Variants in PPP1R18 observed in about 807,000 individuals in gnomAD.
The protein encoded by PPP1R18 is phostensin.
A neutral mutation model predicts 54.8 loss-of-function variants in PPP1R18; 31 were observed. The ratio of observed to expected loss-of-function variants is 0.57; its 90% CI spans 0.43 to 0.76. The LOEUF is 0.76. PPP1R18 is among the 30% of genes least tolerant of loss of function. The probability of loss-of-function intolerance (pLI) is 0.00; values close to 1 mark genes in which losing one functional copy is unlikely to be tolerated. For missense variants in PPP1R18, 685 were observed against 776.1 expected (o/e 0.88, Z 1.39); for synonymous variants, 310 against 320.2 (o/e 0.97, Z 0.34).
chr6:30,676,946 A>G lies in PPP1R18; in HGVS notation c.*323T>C, dbSNP rs1337065309. On this transcript the variant is annotated 3_prime_UTR_variant, in exon 3 of 3. Transcript: ENST00000274853. ...TGGTGGGGAGGAAGGCTGTGGGGAG[A>G]GTGTACCCTGCCATGGGGGGCAGGT... is the stretch of plus-strand genomic sequence containing the variant. 4 of 505,682 alleles carry G rather than the reference A, an allele frequency of 7.9e-6. No individual in the cohort carries two copies. Among genetic ancestry groups the G allele is most frequent in the Non-Finnish European group, 1.4e-5 (4 of 285,348 alleles). The allele number at this position is 505,682 out of a possible 1,614,324, so 31.3% of individuals were successfully genotyped here.
chr6:30,684,879 C>A lies in PPP1R18; in HGVS notation c.1140G>T (p.Lys380Asn), dbSNP rs1480837269. ...GVEAGEGEAE[K>N]EEAGAQGRPL... is the part of the protein sequence containing the mutation. ...GCCTGCCCTGAGCCCCCGCCTCCTC[C>A]TTCTCAGCCTCCCCTTCTCCAGCCT... Residue 380 changes from lysine (K) to asparagine (N), a missense_variant, in exon 1 of 3, where the codon AAG (lysine) becomes AAT (asparagine). Transcript: ENST00000274853. This position sits in a 1 kb window ranked among gnomAD's most constrained non-coding sequence, Gnocchi z 6.0. 5 of 1,612,852 alleles carry A rather than the reference C, an allele frequency of 3.1e-6. No homozygotes were observed. The highest frequency in any genetic ancestry group is 4.2e-6 in the Non-Finnish European group (5 of 1,180,040).
Position 30,684,425 on chromosome 6 carries a change from C to T in PPP1R18, c.1594G>A (p.Glu532Lys), listed in dbSNP as rs555488215. The change falls in exon 1 of 3, where the codon GAA (glutamate) becomes AAA (lysine). Residue 532 changes from glutamate to lysine, a missense_variant. Glu to Lys is a moderately conservative substitution (Grantham distance 56, BLOSUM62 1). Coordinates refer to ENST00000274853, the MANE Select transcript of PPP1R18 (RefSeq NM_133471.4). This position sits in a 1 kb window ranked among gnomAD's most constrained non-coding sequence, Gnocchi z 6.0. ...SRSCLAKGSP[E>K]RHHKQLKISF... ...TTCCCTACCTGTTTGTGGTGTCTTT[C>T]GGGGGACCCCTTGGCAAGGCAGCTG... The T allele has an allele frequency of 2.1e-5, 33 of 1,574,878 alleles. No individual in the cohort carries two copies. The highest frequency in any genetic ancestry group is 2.0e-4 in the Admixed American group (11 of 55,976).
Position 30,683,086 on chromosome 6 carries a change from T to C in PPP1R18, c.1611+1322A>G, listed in dbSNP as rs761216421. ...AGCTTACGCTTCATGTGAAGATGAA[T>C]TGGGGGATCAAATGAACCCCCCTCC... On this transcript the variant is annotated intron_variant, in intron 1 of 2. Coordinates refer to ENST00000274853, the MANE Select transcript of PPP1R18 (RefSeq NM_133471.4). This position sits in a 1 kb window ranked among gnomAD's most constrained non-coding sequence, Gnocchi z 5.1. Among the ~76,000 whole-genome samples, 3 of 152,280 alleles carry C rather than the reference T, an allele frequency of 2.0e-5. No individual in the cohort carries two copies. The highest frequency in any genetic ancestry group is 4.1e-4 in the South Asian group (2 of 4,828).
rs1770670630 is a variant in PPP1R18, at chr6:30,683,418, C to T, written c.1611+990G>A. Among the ~76,000 whole-genome samples, 2 of 152,186 alleles carry T rather than the reference C, an allele frequency of 1.3e-5. No homozygotes were observed. Among genetic ancestry groups the T allele is most frequent in the African/African-American group, 4.8e-5 (2 of 41,434 alleles). On this transcript the variant is annotated intron_variant, in intron 1 of 2. Coordinates refer to ENST00000274853, the MANE Select transcript of PPP1R18 (RefSeq NM_133471.4). The surrounding 1 kb of genome is among the most constrained non-coding windows in gnomAD (Gnocchi z 5.1). ...TGCAGGTCTTTGTTGCAAGTCTAAC[C>T]TCTGACCCTCTGCTGGCCTCAGCCC...
Position 30,685,894 on chromosome 6 carries a change from C to G in PPP1R18, c.125G>C (p.Gly42Ala). The part of the protein sequence containing the change: ...RLSQMPAWKR[G>A]LLERRRAKLG... ...CTTGGCCCGGCGGCGCTCCAGGAGCCCTCGTTTCCAGGCTGGCATCTGGGA... is the reference window on the plus strand; with the variant it reads ...CTTGGCCCGGCGGCGCTCCAGGAGCGCTCGTTTCCAGGCTGGCATCTGGGA... The change falls in exon 1 of 3, where the codon GGG becomes GCG. Residue 42 changes from glycine to alanine, a missense_variant. Transcript: ENST00000274853. This position sits in a 1 kb window ranked among gnomAD's most constrained non-coding sequence, Gnocchi z 5.0. 1 of 1,610,806 alleles carries G rather than the reference C, an allele frequency of 6.2e-7. No individual in the cohort carries two copies. Among genetic ancestry groups the G allele is most frequent in the South Asian group, 1.1e-5 (1 of 91,086 alleles).
Position 30,677,126 on chromosome 6 carries a change from CAG to C in PPP1R18, c.*141_*142del, listed in dbSNP as rs759017554. On this transcript the variant is annotated 3_prime_UTR_variant, in exon 3 of 3. Coordinates refer to ENST00000274853, the MANE Select transcript of PPP1R18 (RefSeq NM_133471.4). ...GGGCAATTGGCTCTGCCCCCAGAAA[CAG>C]GGTGGGGAAAGCAAGTTACAAGATG... The C allele has an allele frequency of 2.0e-5, 16 of 820,078 alleles. No homozygotes were observed. In the Admixed American group the frequency reaches 2.6e-4, roughly 13 times the overall value. 50.8% of individuals were successfully genotyped at this position (820,078 alleles called of 1,614,324 possible).
Position 30,679,322 on chromosome 6 carries a change from A to G in PPP1R18, c.1679T>C (p.Leu560Pro). The change falls in exon 2 of 3, where the codon CTG becomes CCG. Residue 560 changes from leucine (L) to proline (P), a missense_variant. By Grantham distance (98) the Leu-to-Pro change is moderately conservative. Transcript: ENST00000274853. ...CTCAGGCTCCGGGCCCAGCTCCTCC[A>G]GTACCGAACTCTCGGAGGGGTATTG... Reference protein sequence around the residue: ...TYQYPSESSVLEELGPEPEVP... With the variant: ...TYQYPSESSVPEELGPEPEVP... The G allele has an allele frequency of 6.4e-7, 1 of 1,553,000 alleles. No homozygotes were observed. Among genetic ancestry groups the G allele is most frequent in the South Asian group, 1.2e-5 (1 of 83,794 alleles).
Position 30,686,411 on chromosome 6 carries a change from A to C in PPP1R18, c.-393T>G. On this transcript the variant is annotated 5_prime_UTR_variant, in exon 1 of 3. The change creates a new upstream start codon in the 5' untranslated region. Transcript: ENST00000274853. Reference sequence around the variant, plus strand: ...AAGTTGGCGTGAGGGAGAAGAGAGAAATGTGGCAGGGGTGAGGGGAACCTG... The same window carrying C: ...AAGTTGGCGTGAGGGAGAAGAGAGACATGTGGCAGGGGTGAGGGGAACCTG... 9 of 208,848 alleles carry C rather than the reference A, an allele frequency of 4.3e-5. No individual in the cohort carries two copies. The highest frequency in any genetic ancestry group is 1.0e-4 in the East Asian group (1 of 9,674). 12.9% of individuals were successfully genotyped at this position (208,848 alleles called of 1,614,324 possible).
rs201585353 is a variant in PPP1R18 at position 30,684,517 on chromosome 6, G to A, written c.1502C>T (p.Ala501Val). The A allele has an allele frequency of 6.2e-7, 1 of 1,612,664 alleles. No homozygotes were observed. The highest frequency in any genetic ancestry group is 8.5e-7 in the Non-Finnish European group (1 of 1,179,824). ...PATVDAAVPGAGKKRYPTAEE... is the reference protein window; with the variant it reads ...PATVDAAVPGVGKKRYPTAEE... ...GGCAGTTGGGTACCGCTTCTTCCCA[G>A]CCCCCGGGACTGCAGCATCAACTGT... is the stretch of plus-strand genomic sequence containing the variant. Residue 501 changes from alanine (A) to valine (V), a missense_variant, in exon 1 of 3, where the codon GCT becomes GTT. Transcript: ENST00000274853. This position sits in a 1 kb window ranked among gnomAD's most constrained non-coding sequence, Gnocchi z 6.0.
chr6:30,681,941 G>A (rs1050929613), intron 1 of PPP1R18, among the ~76,000 whole-genome samples: 9 of 152,078 alleles, frequency 5.9e-5, no homozygotes, highest in Admixed American at 5.2e-4. Context: ...GGAACTGCTG[G>A]TAGAATCTAG....
chr6:30,681,231 C>G (rs1770534124), intron 1 of PPP1R18, among the ~76,000 whole-genome samples: 1 of 151,972 alleles, frequency 6.6e-6, no homozygotes. Context: ...TTGGTTCCCT[C>G]CACGCACTCC....
chr6:30,684,741 TG>T lies in PPP1R18; in HGVS notation c.1277del (p.Pro426HisfsTer24). On this transcript the variant is annotated frameshift_variant, in exon 1 of 3. Coordinates refer to ENST00000274853, the MANE Select transcript of PPP1R18 (RefSeq NM_133471.4). LOFTEE classifies it high-confidence loss of function. The surrounding 1 kb of genome is among the most constrained non-coding windows in gnomAD (Gnocchi z 6.0). ...QEEEAVELQP[P>X]PPAPLSPPPP... is the part of the protein sequence containing the mutation. ...GTGGGGGAGACAGAGGGGCTGGTGG[TG>T]GGGGCTGGAGCTCCACTGCTTCCTC... 6.4e-7 allele frequency: 1 copy of T among 1,554,394 alleles called. No homozygotes were observed.
chr6:30,685,779 C>G lies in PPP1R18; in HGVS notation c.240G>C (p.Glu80Asp), dbSNP rs780401396. 3 of 1,613,080 alleles carry G rather than the reference C, an allele frequency of 1.9e-6. No homozygotes were observed. The South Asian group carries it at 3.3e-5, about 18-fold the overall frequency. ...PDPDESAVLL[E>D]AIGPVHQNRF... The stretch of plus-strand genomic sequence containing the variant: ...GGTTCTGGTGCACTGGCCCGATGGC[C>G]TCCAGAAGGACCGCAGACTCATCCG... Residue 80 changes from glutamate to aspartate, a missense_variant, in exon 1 of 3, where the codon GAG becomes GAC. By Grantham distance (45) the Glu-to-Asp change is conservative. Coordinates refer to ENST00000274853, the MANE Select transcript of PPP1R18 (RefSeq NM_133471.4). This position sits in a 1 kb window ranked among gnomAD's most constrained non-coding sequence, Gnocchi z 5.0.
intron 1 of PPP1R18, among the ~76,000 whole-genome samples, chr6:30,679,820 T>G (rs910918241): frequency 1.3e-5 from 2 of 152,142 alleles, no homozygotes; most frequent in African/African-American, 4.8e-5. Context: ...TCGAGTGAAC[T>G]TCCCAGAGGA....
upstream of PPP1R18, chr6:30,688,208 T>G (rs904260228): frequency 2.3e-5 from 4 of 174,278 alleles, no homozygotes; most frequent in African/African-American, 7.2e-5. This position sits in a 1 kb window ranked among gnomAD's most constrained non-coding sequence, Gnocchi z 5.9. Flanking sequence ...GGGCCGGGAG[T>G]GGTGAGGCAA....
rs769810404 is a variant in PPP1R18, at chr6:30,685,581, C to T, written c.438G>A (p.Pro146=). Residue 146 remains proline (P), a synonymous_variant, in exon 1 of 3, where the codon CCG becomes CCA. Coordinates refer to ENST00000274853, the MANE Select transcript of PPP1R18 (RefSeq NM_133471.4). This position sits in a 1 kb window ranked among gnomAD's most constrained non-coding sequence, Gnocchi z 5.0. ...GRESREERLS[P]RETRERRLGI... is the part of the protein sequence containing the mutation. The stretch of plus-strand genomic sequence containing the variant: ...CCAGCCTCCTCTCTCTGGTCTCCCT[C>T]GGACTTAGTCTCTCTTCTCTTGACT... The T allele has an allele frequency of 7.6e-5, 122 of 1,612,970 alleles. No homozygotes were observed. The highest frequency in any genetic ancestry group is 9.9e-5 in the Non-Finnish European group (117 of 1,180,030).
In PPP1R18 at chr6:30,685,615, T is replaced by G; in HGVS notation, c.404A>C (p.Lys135Thr). The G allele has an allele frequency of 1.2e-6, 2 of 1,612,986 alleles. No homozygotes were observed. The highest frequency in any genetic ancestry group is 1.7e-6 in the Non-Finnish European group (2 of 1,179,984). Residue 135 changes from lysine to threonine, a missense_variant, in exon 1 of 3, where the codon AAG becomes ACG. By Grantham distance (78) the Lys-to-Thr change is moderately conservative (BLOSUM62 -1). Transcript: ENST00000274853. The surrounding 1 kb of genome is among the most constrained non-coding windows in gnomAD (Gnocchi z 5.0). ...SPGEMRDQSP[K>T]GRESREERLS... ...TCTCTCTTCTCTTGACTCTCTTCCC[T>G]TGGGGCTCTGATCCCGCATCTCCCC...
At chr6:30,681,153 G>A (rs1770530163) in intron 1 of PPP1R18, among the ~76,000 whole-genome samples, 1 of 149,338 alleles carries the variant, frequency 6.7e-6, no homozygotes, top group Non-Finnish European at 1.5e-5. Context: ...AAAGCCTACA[G>A]GGTGCTCCCA....
At position 30,677,274 on chromosome 6, in the gene PPP1R18, G is replaced by T. The variant is rs755861747; in HGVS notation, c.1837C>A (p.Arg613=). The T allele has an allele frequency of 6.2e-7, 1 of 1,603,560 alleles. No individual in the cohort carries two copies. Among genetic ancestry groups the T allele is most frequent in the Non-Finnish European group, 8.5e-7 (1 of 1,176,054 alleles). Residue 613 remains arginine (R), a synonymous_variant, in exon 3 of 3, where the codon CGG becomes AGG. Coordinates refer to ENST00000274853, the MANE Select transcript of PPP1R18 (RefSeq NM_133471.4). ...ATCCCTATGTTGGAAGATGGTCACC[G>T]CCGGCAGGACTCATCTGTGGGAGAG... ...KALIVDESCR[R]
Sources: gnomAD v4.1 joint callset for allele counts (sites outside exome capture counted in the v4.1 genomes callset) on GRCh38, gnomAD v4.1.1 for gene constraint, Gnocchi (gnomAD v3.1) non-coding constraint, MANE v1.5 for transcripts, NCBI Gene and HGNC (gene_info 2026-07-23, HGNC 2026-07-21) for gene names.